Variants in GPC5 observed in about 807,000 individuals in gnomAD.
The protein encoded by GPC5 is glypican-5.
In GPC5, 47 loss-of-function variants were observed where a neutral mutation model predicts 53.9. The ratio of observed to expected loss-of-function variants is 0.87; its 90% CI spans 0.69 to 1.11. GPC5 has a LOEUF of 1.11. Among genes scored for constraint, GPC5 ranks in the 50% most tolerant of loss-of-function variants. The pLI is 0.00. For missense variants in GPC5, 748 were observed against 713.1 expected (o/e 1.05, Z -0.56); for synonymous variants, 286 against 263.3 (o/e 1.09, Z -0.84).
At chr13:91,515,684 C>T (rs1885460200) in intron 2 of GPC5, among the ~76,000 whole-genome samples, 1 of 152,076 alleles carries the variant, frequency 6.6e-6, no homozygotes, top group Non-Finnish European at 1.5e-5. Context: ...CCAAATAATC[C>T]AGGATAAATG....
chr13:91,980,271 A>G (rs1026591580), intron 6 of GPC5, among the ~76,000 whole-genome samples: 3 of 152,202 alleles, frequency 2.0e-5, no homozygotes, highest in Non-Finnish European at 4.4e-5. Context: ...TAGATTAGCT[A>G]TGTCACTGGA....
At chr13:92,170,420 CTTTTTTT>C (rs61418155) in intron 7 of GPC5, among the ~76,000 whole-genome samples, 4 of 75,260 alleles carry the variant, frequency 5.3e-5, no homozygotes, top group African/African-American at 2.1e-4. Flanking sequence ...CTTTTCTTTG[CTTTTTTT>C]TTTTTTTTTT....
At chr13:92,775,341 A>C (rs1875763982) in intron 7 of GPC5, among the ~76,000 whole-genome samples, 1 of 152,208 alleles carries the variant, frequency 6.6e-6, no homozygotes, top group South Asian at 2.1e-4. Context: ...AGTGACCAAT[A>C]AGTACTTTTT....
chr13:91,990,022 A>C (rs754213005), intron 6 of GPC5, among the ~76,000 whole-genome samples: 45 of 152,184 alleles, frequency 3.0e-4, no homozygotes, highest in Non-Finnish European at 5.9e-4. Context: ...AGTAATTTTA[A>C]AATAGCTCAG....
chr13:92,221,809 T>C lies in GPC5; in HGVS notation c.1561+76820T>C, dbSNP rs141645016. ...CTCAGGCTCCCTCTGCATTTTTTCG[T>C]ACGACTCAAGAACAATTACGTTCTT... On this transcript the variant is annotated intron_variant, in intron 7 of 7. Transcript: ENST00000377067. Among the ~76,000 whole-genome samples the C allele has an allele frequency of 9.6e-3, 1,456 of 152,278 alleles. 24 individuals carry two copies. Among genetic ancestry groups the C allele is most frequent in the African/African-American group, 0.033 (1,367 of 41,556 alleles).
chr13:92,613,257 TAA>T (rs1491364157), intron 7 of GPC5, among the ~76,000 whole-genome samples: 5 of 126,850 alleles, frequency 3.9e-5, no homozygotes, highest in African/African-American at 8.9e-5. Flanking sequence ...AATTTATATA[TAA>T]TATATATATA....
chr13:92,519,968 A>C (rs1326216267), intron 7 of GPC5, among the ~76,000 whole-genome samples: 1 of 152,224 alleles, frequency 6.6e-6, no homozygotes, highest in Non-Finnish European at 1.5e-5. Context: ...TCCCACAGAA[A>C]TACAAACTAC....
intron 1 of GPC5, among the ~76,000 whole-genome samples, chr13:91,424,101 A>G (rs1466623981): frequency 6.6e-6 from 1 of 152,198 alleles, no homozygotes; most frequent in Non-Finnish European, 1.5e-5. Flanking sequence ...ATTCTAAATC[A>G]TAAATCTGAT....
At chr13:92,284,333 C>T (rs914323368) in intron 7 of GPC5, among the ~76,000 whole-genome samples, 2 of 152,144 alleles carry the variant, frequency 1.3e-5, no homozygotes, top group African/African-American at 2.4e-5. Flanking sequence ...TGGTTCCATT[C>T]CTTCTGAAAC....
intron 7 of GPC5, among the ~76,000 whole-genome samples, chr13:92,518,439 C>T (rs1294589064): frequency 6.6e-6 from 1 of 152,166 alleles, no homozygotes; most frequent in Non-Finnish European, 1.5e-5. Context: ...TCGGCAGAAA[C>T]TCTACAAGCC....
intron 6 of GPC5, among the ~76,000 whole-genome samples, chr13:92,070,301 G>A (rs2041200614): frequency 6.6e-6 from 1 of 152,156 alleles, no homozygotes; most frequent in Non-Finnish European, 1.5e-5. Context: ...AAAAATGCAA[G>A]AGTGATGGAG....
chr13:92,165,328 T>C (rs893202668), intron 7 of GPC5, among the ~76,000 whole-genome samples: 13 of 152,208 alleles, frequency 8.5e-5, no homozygotes, highest in African/African-American at 3.1e-4. Flanking sequence ...TAAAACTGAA[T>C]GCTTTTAAGA....
chr13:92,643,529 A>G (rs1424425740), intron 7 of GPC5, among the ~76,000 whole-genome samples: 6 of 143,442 alleles, frequency 4.2e-5, no homozygotes. Flanking sequence ...CATATACACC[A>G]TGGAATACTA....
At chr13:91,921,963 C>A (rs1056677770) in intron 6 of GPC5, among the ~76,000 whole-genome samples, 4 of 151,934 alleles carry the variant, frequency 2.6e-5, no homozygotes, top group African/African-American at 9.7e-5. Context: ...AGATTAAGGA[C>A]CCTGTCTCAA....
intron 6 of GPC5, among the ~76,000 whole-genome samples, chr13:91,967,523 C>T (rs1390196256): frequency 2.6e-5 from 4 of 151,922 alleles, no homozygotes; most frequent in African/African-American, 7.2e-5. Context: ...CAGTCTTTGT[C>T]TAGCTTTTTG....
intron 2 of GPC5, among the ~76,000 whole-genome samples, chr13:91,497,224 C>G (rs1024233414): frequency 3.3e-5 from 5 of 151,848 alleles, no homozygotes; most frequent in Non-Finnish European, 7.4e-5. Context: ...GTATTTCTGT[C>G]CAAACAAACT....
chr13:92,866,383 G>C lies in GPC5; in HGVS notation c.1663G>C (p.Glu555Gln), dbSNP rs141458785. The change falls in exon 8 of 8, where the codon GAA becomes CAA. Residue 555 changes from glutamate to glutamine, a missense_variant. Glu to Gln is a conservative substitution (Grantham distance 29). Coordinates refer to ENST00000377067, the MANE Select transcript of GPC5 (RefSeq NM_004466.6). ...TTGAGCAVAT[E>Q]SMTFTLISVV... ...AGGAGCAGGATGTGCAGTGGCGACT[G>C]AATCTATGACATTCACTCTGATAAG... 60 of 1,612,564 alleles carry C rather than the reference G, an allele frequency of 3.7e-5. No individual in the cohort carries two copies. The African/African-American group carries it at 8.0e-4, about 22-fold the overall frequency.
chr13:92,651,439 A>G (rs1205486140), intron 7 of GPC5, among the ~76,000 whole-genome samples: 2 of 152,168 alleles, frequency 1.3e-5, no homozygotes. Flanking sequence ...AACATCAATC[A>G]AATCCCAATT....
At chr13:91,967,611 A>G (rs1028751159) in intron 6 of GPC5, among the ~76,000 whole-genome samples, 3 of 152,074 alleles carry the variant, frequency 2.0e-5, no homozygotes, top group African/African-American at 7.2e-5. Context: ...AGTTTCTAAA[A>G]TTATAAATGC....
Sources: allele counts gnomAD v4.1 joint callset (sites outside exome capture counted in the v4.1 genomes callset), GRCh38; gene constraint gnomAD v4.1.1; transcripts MANE v1.5; gene names NCBI Gene and HGNC (gene_info 2026-07-23, HGNC 2026-07-21).